Variants in PRMT1 observed in about 807,000 individuals in gnomAD.
PRMT1 encodes protein arginine methyltransferase 1, also known as protein arginine N-methyltransferase 1.
Under a neutral mutation model 47.4 loss-of-function variants are expected in PRMT1, and 5 were observed. The ratio of observed to expected loss-of-function variants is 0.11; its 90% confidence interval spans 0.06 to 0.22. The LOEUF is 0.22. Ranked by LOEUF, PRMT1 falls within the 10% of genes least tolerant of loss-of-function variation. The pLI is 1.00. For missense variants in PRMT1, 249 were observed against 518.4 expected, an observed-to-expected ratio of 0.48 and a Z score of 5.05; for synonymous variants, 227 against 204.6, an observed-to-expected ratio of 1.11 and a Z score of -0.94.
At position 49,685,994 on chromosome 19, in the gene PRMT1, G is replaced by C. The variant is rs1211665206; in HGVS notation, c.760-99G>C. On this transcript the variant is annotated intron_variant, in intron 8 of 10. Transcript: ENST00000454376. This position sits in a 1 kb window ranked among gnomAD's most constrained non-coding sequence, Gnocchi z 4.7. Reference sequence around the variant, plus strand: ...AGTGAGGGAGGGCTAGCAGGAAGGGGACAGCGAGGTCACAGGCCCTCTGGG... The same window carrying C: ...AGTGAGGGAGGGCTAGCAGGAAGGGCACAGCGAGGTCACAGGCCCTCTGGG... The C allele has an allele frequency of 1.3e-6, 2 of 1,524,924 alleles. No individual in the cohort carries two copies. The highest frequency in any genetic ancestry group is 1.8e-6 in the Non-Finnish European group (2 of 1,140,996). 94.5% of individuals were successfully genotyped at this position (1,524,924 alleles called of 1,614,324 possible). A position where few individuals can be genotyped will look rare whatever the true frequency, so the allele number is the denominator to read the frequency against.
At chr19:49,677,095 A>C (rs758878760), upstream of PRMT1, 4 of 465,438 alleles carry the variant, frequency 8.6e-6, no homozygotes, top group Non-Finnish European at 1.4e-5. Context: ...CCCCTGACCT[A>C]TGATGGACGT....
intron 5 of PRMT1, among the ~76,000 whole-genome samples, chr19:49,682,967 T>A (rs529472814): frequency 2.0e-5 from 3 of 152,074 alleles, no homozygotes; most frequent in South Asian, 2.1e-4. Flanking sequence ...TTTGTTTTTT[T>A]AGTAGAGACG....
chr19:49,680,651 G>T lies in PRMT1; in HGVS notation c.192+63G>T. 3.7e-6 allele frequency: 5 copies of T among 1,363,146 alleles called. No homozygotes were observed. Among genetic ancestry groups the T allele is most frequent in the Non-Finnish European group, 4.2e-6 (4 of 956,078 alleles). The allele number at this position is 1,363,146 out of a possible 1,614,324, so 84.4% of individuals were successfully genotyped here. A position where few individuals can be genotyped will look rare whatever the true frequency, so the allele number is the denominator to read the frequency against. On this transcript the variant is annotated intron_variant, in intron 3 of 10. Transcript: ENST00000454376. This position sits in a 1 kb window ranked among gnomAD's most constrained non-coding sequence, Gnocchi z 4.2. Reference sequence around the variant, plus strand: ...GGGCTTAAATGTTGGGGAAGGGGTGGAACCTGTTTTCCCACGCATGCGCAC... The same window carrying T: ...GGGCTTAAATGTTGGGGAAGGGGTGTAACCTGTTTTCCCACGCATGCGCAC...
chr19:49,682,134 A>G (rs1181319176), intron 4 of PRMT1, 62 bp from the exon 5 acceptor site: 1 of 1,613,632 alleles, frequency 6.2e-7, no homozygotes, highest in South Asian at 1.1e-5. Context: ...GGGCTCAGGG[A>G]TTGGATGGAG....
At chr19:49,686,972 C>T (rs1191439235) in intron 10 of PRMT1, among the ~76,000 whole-genome samples, 1 of 152,094 alleles carries the variant, frequency 6.6e-6, no homozygotes, top group East Asian at 1.9e-4. Flanking sequence ...GGCCTGGGGA[C>T]CCAGGCTGAA....
Position 49,680,376 on chromosome 19 carries a change from A to G in PRMT1, c.91-111A>G. ...GCGGGGGCTGTAGGGTTGTCATGGTATGATTTTGGGGGTTCTATACTACTC... is the reference window on the plus strand; with the variant it reads ...GCGGGGGCTGTAGGGTTGTCATGGTGTGATTTTGGGGGTTCTATACTACTC... On this transcript the variant is annotated intron_variant, in intron 2 of 10. Coordinates refer to ENST00000454376, the MANE Select transcript of PRMT1 (RefSeq NM_001536.6). This position sits in a 1 kb window ranked among gnomAD's most constrained non-coding sequence, Gnocchi z 4.2. 1.8e-6 allele frequency: 2 copies of G among 1,122,356 alleles called. No individual in the cohort carries two copies. Among genetic ancestry groups the G allele is most frequent in the African/African-American group, 1.5e-5 (1 of 64,636 alleles). The allele number at this position is 1,122,356 out of a possible 1,614,324, so 69.5% of individuals were successfully genotyped here. A position where few individuals can be genotyped will look rare whatever the true frequency, so the allele number is the denominator to read the frequency against.
rs2082171715 is a variant in PRMT1 at position 49,684,325 on chromosome 19, G to A, written c.555+256G>A. On this transcript the variant is annotated intron_variant, in intron 6 of 10. Coordinates refer to ENST00000454376, the MANE Select transcript of PRMT1 (RefSeq NM_001536.6). This position sits in a 1 kb window ranked among gnomAD's most constrained non-coding sequence, Gnocchi z 6.2. The stretch of plus-strand genomic sequence containing the variant: ...GCCCCAGCAGGCCTCCCCGGGAGAG[G>A]TGAGGTGACGGAGAGGTGGATGAAG... Among the ~76,000 whole-genome samples, 1 of 152,134 alleles carries A rather than the reference G, an allele frequency of 6.6e-6. No homozygotes were observed. The highest frequency in any genetic ancestry group is 1.5e-5 in the Non-Finnish European group (1 of 68,012).
intron 5 of PRMT1, among the ~76,000 whole-genome samples, chr19:49,682,972 G>A (rs2082142745): frequency 6.6e-6 from 1 of 151,788 alleles, no homozygotes; most frequent in Non-Finnish European, 1.5e-5. Flanking sequence ...TTTTTTAGTA[G>A]AGACGGGGTT....
chr19:49,679,755 C>T, intron 1 of PRMT1, 117 bp from the exon 2 acceptor site: 1 of 761,524 alleles, frequency 1.3e-6, no homozygotes, highest in East Asian at 2.7e-5. Flanking sequence ...CACCACTCCC[C>T]ACCAAGAAGG....
chr19:49,682,947 G>A (rs1039295638), intron 5 of PRMT1, among the ~76,000 whole-genome samples: 1 of 151,758 alleles, frequency 6.6e-6, no homozygotes, highest in Non-Finnish European at 1.5e-5. Flanking sequence ...CACCACGCCC[G>A]GCTAATTTTT....
Position 49,684,575 on chromosome 19 carries a change from C to T in PRMT1, c.556-179C>T, listed in dbSNP as rs1216259133. On this transcript the variant is annotated intron_variant, in intron 6 of 10. Coordinates refer to ENST00000454376, the MANE Select transcript of PRMT1 (RefSeq NM_001536.6). The surrounding 1 kb of genome is among the most constrained non-coding windows in gnomAD (Gnocchi z 6.2). ...AGAACCTCCAAGGGCCGGGAGCTGA[C>T]TGGGGTGCCCCTGGGTGCCCTCTGG... 6.6e-6 allele frequency among the ~76,000 whole-genome samples: 1 copy of T among 152,194 alleles called. No homozygotes were observed. Among genetic ancestry groups the T allele is most frequent in the Non-Finnish European group, 1.5e-5 (1 of 68,012 alleles).
chr19:49,684,617 A>G lies in PRMT1; in HGVS notation c.556-137A>G. 9.7e-7 allele frequency: 1 copy of G among 1,028,242 alleles called. No individual in the cohort carries two copies. The highest frequency in any genetic ancestry group is 1.4e-6 in the Non-Finnish European group (1 of 704,932). The allele number at this position is 1,028,242 out of a possible 1,614,324, so 63.7% of individuals were successfully genotyped here. ...GCCCTCTGGCGGCCGTGTGGGAAATAGACCAGGGGGCGAGGGGTGAGTGCC... is the reference window on the plus strand; with the variant it reads ...GCCCTCTGGCGGCCGTGTGGGAAATGGACCAGGGGGCGAGGGGTGAGTGCC... On this transcript the variant is annotated intron_variant, in intron 6 of 10. Coordinates refer to ENST00000454376, the MANE Select transcript of PRMT1 (RefSeq NM_001536.6). The surrounding 1 kb of genome is among the most constrained non-coding windows in gnomAD (Gnocchi z 6.2).
Position 49,686,744 on chromosome 19 carries a change from T to G in PRMT1, c.1032+18T>G, listed in dbSNP as rs1382230577. 1 of 1,398,794 alleles carries G rather than the reference T, an allele frequency of 7.1e-7. No homozygotes were observed. The allele number at this position is 1,398,794 out of a possible 1,614,324, so 86.6% of individuals were successfully genotyped here. ...AGAACAACGTGAGGCTCCGGGCAGC[T>G]GGGTGGGAGGGTGGCAGCTAGGGCG... is the stretch of plus-strand genomic sequence containing the variant. On this transcript the variant is annotated intron_variant, in intron 10 of 10. Coordinates refer to ENST00000454376, the MANE Select transcript of PRMT1 (RefSeq NM_001536.6).
Position 49,680,666 on chromosome 19 carries a change from C to A in PRMT1, c.192+78C>A. ...GGAAGGGGTGGAACCTGTTTTCCCA[C>A]GCATGCGCACTGCTTCCCCTGGCCG... On this transcript the variant is annotated intron_variant, in intron 3 of 10. Transcript: ENST00000454376. The surrounding 1 kb of genome is among the most constrained non-coding windows in gnomAD (Gnocchi z 4.2). The A allele has an allele frequency of 8.6e-7, 1 of 1,158,918 alleles. No homozygotes were observed. The highest frequency in any genetic ancestry group is 1.3e-6 in the Non-Finnish European group (1 of 778,742). The allele number at this position is 1,158,918 out of a possible 1,614,324, so 71.8% of individuals were successfully genotyped here.
upstream of PRMT1, chr19:49,676,933 G>A (rs955794535): frequency 4.1e-6 from 1 of 242,452 alleles, no homozygotes; most frequent in African/African-American, 2.2e-5. Context: ...GGGGCTCCCC[G>A]GGAAGCTTTG....
rs2082092862 is a variant in PRMT1 at position 49,680,056 on chromosome 19, A to C, written c.90+131A>C. 2.6e-6 allele frequency: 3 copies of C among 1,163,752 alleles called. No homozygotes were observed. The highest frequency in any genetic ancestry group is 3.8e-6 in the Non-Finnish European group (3 of 798,602). The allele number at this position is 1,163,752 out of a possible 1,614,324, so 72.1% of individuals were successfully genotyped here. On this transcript the variant is annotated intron_variant, in intron 2 of 10. Transcript: ENST00000454376. The surrounding 1 kb of genome is among the most constrained non-coding windows in gnomAD (Gnocchi z 4.2). ...AAACCAGTTTACCCCAGGCCCCCAG[A>C]CACTTAGTAGCAACCCCTCCAGGTT...
In PRMT1 at chr19:49,680,847, C is replaced by T. The variant is rs1195240846; in HGVS notation, c.192+259C>T. Among the ~76,000 whole-genome samples the T allele has an allele frequency of 6.6e-6, 1 of 152,208 alleles. No homozygotes were observed. The highest frequency in any genetic ancestry group is 1.5e-5 in the Non-Finnish European group (1 of 68,030). On this transcript the variant is annotated intron_variant, in intron 3 of 10. Transcript: ENST00000454376. This position sits in a 1 kb window ranked among gnomAD's most constrained non-coding sequence, Gnocchi z 4.2. ...CGTGCCTGGGGCCTTAGCCAGAGGT[C>T]GGGCAGGGCCCACTGGTCTCTGCCG...
At chr19:49,679,800 C>T in intron 1 of PRMT1, 72 bp from the exon 2 acceptor site, 1 of 1,242,946 alleles carries the variant, frequency 8.0e-7, no homozygotes, top group South Asian at 1.3e-5. Context: ...GGCCAGAGCC[C>T]AGGTTCCGCC....
rs975592713 is a variant in PRMT1 at position 49,686,394 on chromosome 19, T to A, written c.910+151T>A. ...CTGCCATGTAGCAGTCACGTGGCCTTGGGCAAGTGACCTGAGTGTGCAGTG... is the reference window on the plus strand; with the variant it reads ...CTGCCATGTAGCAGTCACGTGGCCTAGGGCAAGTGACCTGAGTGTGCAGTG... On this transcript the variant is annotated intron_variant, in intron 9 of 10. Coordinates refer to ENST00000454376, the MANE Select transcript of PRMT1 (RefSeq NM_001536.6). The A allele has an allele frequency of 4.4e-5, 55 of 1,261,966 alleles. No individual in the cohort carries two copies. The Admixed American group carries it at 1.4e-3, about 32-fold the overall frequency. The allele number at this position is 1,261,966 out of a possible 1,614,324, so 78.2% of individuals were successfully genotyped here. A position where few individuals can be genotyped will look rare whatever the true frequency, so the allele number is the denominator to read the frequency against.
Sources: allele counts gnomAD v4.1 joint callset (sites outside exome capture counted in the v4.1 genomes callset), GRCh38; gene constraint gnomAD v4.1.1; non-coding constraint Gnocchi (gnomAD v3.1); transcripts MANE v1.5; gene names NCBI Gene and HGNC (gene_info 2026-07-23, HGNC 2026-07-21).